PDZD2: variants seen among roughly 807,000 people sequenced by gnomAD.
The protein encoded by PDZD2 is PDZ domain containing 2.
PDZD2 carries 90 observed loss-of-function variants against 220.7 expected under a neutral mutation model. That is an observed-to-expected ratio of 0.41 (90% CI 0.34 to 0.49). PDZD2 has a LOEUF of 0.49. Among genes scored for constraint, PDZD2 ranks in the 20% least tolerant of loss-of-function variants. The pLI, the probability that PDZD2 is intolerant of heterozygous loss-of-function variation, is 0.28. For missense variants in PDZD2, 3,174 were observed against 3,608.5 expected, an observed-to-expected ratio of 0.88 and a Z score of 3.08; for synonymous variants, 1,375 against 1,450.5, an observed-to-expected ratio of 0.95 and a Z score of 1.18.
chr5:31,888,468 A>T (rs956895152), intron 2 of PDZD2, among the ~76,000 whole-genome samples: 1 of 152,364 alleles, frequency 6.6e-6, no homozygotes, highest in South Asian at 2.1e-4. Flanking sequence ...CTGGGATTAC[A>T]GGTGTGAGCC....
chr5:31,943,653 AG>A (rs1200448022), intron 2 of PDZD2, among the ~76,000 whole-genome samples: 2 of 152,234 alleles, frequency 1.3e-5, no homozygotes. Flanking sequence ...GACACAAAGA[AG>A]CCGACGAGGC....
chr5:31,750,234 T>C (rs1354592046), intron 1 of PDZD2, among the ~76,000 whole-genome samples: 3 of 152,268 alleles, frequency 2.0e-5, no homozygotes, highest in Admixed American at 1.3e-4. Context: ...GTCCTCACTC[T>C]TGTCCGACTT....
chr5:31,983,301 G>A lies in PDZD2; in HGVS notation c.623G>A (p.Arg208Gln), dbSNP rs149201593. Reference sequence around the variant, plus strand: ...ACACCTACCTTGGAGCTGGGTGACCGAACTGCGAAAAAGGGGAAACGAACC... The same window carrying A: ...ACACCTACCTTGGAGCTGGGTGACCAAACTGCGAAAAAGGGGAAACGAACC... ...GETPTLELGDRTAKKGKRTRK... is the reference protein window; with the variant it reads ...GETPTLELGDQTAKKGKRTRK... The change falls in exon 3 of 25, where the codon CGA becomes CAA. Residue 208 changes from arginine to glutamine, a missense_variant. By Grantham distance (43) the Arg-to-Gln change is conservative (BLOSUM62 1). Coordinates refer to ENST00000438447, the MANE Select transcript of PDZD2 (RefSeq NM_178140.4). 7.7e-5 allele frequency: 124 copies of A among 1,614,156 alleles called. 1 individual carries two copies. The African/African-American group carries it at 9.5e-4, about 12-fold the overall frequency.
chr5:31,893,838 AGTT>A (rs1393648015), intron 2 of PDZD2, among the ~76,000 whole-genome samples: 6 of 152,180 alleles, frequency 3.9e-5, no homozygotes, highest in Admixed American at 3.3e-4. Flanking sequence ...GTTCACATGA[AGTT>A]GTACAGAAAT....
chr5:32,058,593 G>A (rs1300712839), intron 12 of PDZD2, among the ~76,000 whole-genome samples: 2 of 148,422 alleles, frequency 1.3e-5, no homozygotes, highest in Non-Finnish European at 3.0e-5. Flanking sequence ...ACAATCGCTC[G>A]AACCCGGGAG....
At chr5:31,898,808 C>CTTTTTTTTTTTT (rs35589628) in intron 2 of PDZD2, among the ~76,000 whole-genome samples, 98 of 123,418 alleles carry the variant, frequency 7.9e-4, no homozygotes, top group South Asian at 1.1e-3. Flanking sequence ...AGCCTCTCTT[C>CTTTTTTTTTTTT]TTTTTTTTTT....
At chr5:31,821,278 A>G (rs189192060) in intron 2 of PDZD2, among the ~76,000 whole-genome samples, 145 of 138,960 alleles carry the variant, frequency 1.0e-3, no homozygotes, top group Non-Finnish European at 6.1e-4. Context: ...ATGGGCATTT[A>G]TTTTGATGGA....
chr5:31,851,680 G>A (rs1190577974), intron 2 of PDZD2, among the ~76,000 whole-genome samples: 3 of 152,118 alleles, frequency 2.0e-5, no homozygotes, highest in East Asian at 1.9e-4. Flanking sequence ...AGACAAAATC[G>A]TAGACCACAT....
At chr5:31,830,140 C>T (rs1756475168) in intron 2 of PDZD2, among the ~76,000 whole-genome samples, 1 of 151,492 alleles carries the variant, frequency 6.6e-6, no homozygotes, top group Admixed American at 6.6e-5. Flanking sequence ...CCCTCCAAAC[C>T]ACTCCCTTAA....
chr5:31,991,742 T>G (rs1751225777), intron 3 of PDZD2, among the ~76,000 whole-genome samples: 1 of 152,140 alleles, frequency 6.6e-6, no homozygotes, highest in South Asian at 2.1e-4. Flanking sequence ...AAACTGACAA[T>G]TGTGGGCCCG....
chr5:31,846,733 G>T lies in PDZD2; in HGVS notation c.476+47009G>T, dbSNP rs561284863. ...TGAGGTTTCTTCTCATGCTTTGCTT[G>T]GTGCCACTGCTGGGCCTTGTGTTTG... is the stretch of plus-strand genomic sequence containing the variant. On this transcript the variant is annotated intron_variant, in intron 2 of 24. Coordinates refer to ENST00000438447, the MANE Select transcript of PDZD2 (RefSeq NM_178140.4). 1.1e-4 allele frequency among the ~76,000 whole-genome samples: 17 copies of T among 152,296 alleles called. No homozygotes were observed. In the South Asian group the frequency reaches 3.1e-3, roughly 28 times the overall value.
intron 24 of PDZD2, chr5:32,106,346 G>C (rs1446103119): frequency 6.6e-6 from 1 of 152,432 alleles, no homozygotes; most frequent in African/African-American, 2.4e-5. Context: ...GGTAGTGTGA[G>C]TGACGGTGAG....
intron 2 of PDZD2, among the ~76,000 whole-genome samples, chr5:31,918,609 T>A (rs1001536159): frequency 2.0e-5 from 3 of 152,242 alleles, no homozygotes; most frequent in Non-Finnish European, 4.4e-5. Flanking sequence ...TCTCTTTTGA[T>A]TTTTAGGGTA....
At chr5:31,749,417 T>A (rs902885964) in intron 1 of PDZD2, among the ~76,000 whole-genome samples, 9 of 130,350 alleles carry the variant, frequency 6.9e-5, no homozygotes, top group Non-Finnish European at 1.4e-4. Context: ...AGAAGGTCAC[T>A]GTGTGATTTT....
intron 2 of PDZD2, among the ~76,000 whole-genome samples, chr5:31,977,908 A>G (rs898772778): frequency 6.6e-6 from 1 of 152,180 alleles, no homozygotes; most frequent in African/African-American, 2.4e-5. Flanking sequence ...TGGGAGGTGG[A>G]GGCTGCAGTG....
intron 1 of PDZD2, among the ~76,000 whole-genome samples, chr5:31,742,547 C>T (rs1452596901): frequency 6.7e-6 from 1 of 149,246 alleles, no homozygotes; most frequent in Non-Finnish European, 1.5e-5. Context: ...CCCCTCCCCA[C>T]CCCATTCCCC....
intron 2 of PDZD2, chr5:31,822,735 A>T: frequency 1.6e-6 from 2 of 1,220,776 alleles, no homozygotes; most frequent in South Asian, 2.4e-5. Context: ...GAGATACTGA[A>T]CAAGGAACAC....
intron 2 of PDZD2, among the ~76,000 whole-genome samples, chr5:31,904,959 T>C (rs1308081991): frequency 6.6e-6 from 1 of 151,692 alleles, no homozygotes; most frequent in Non-Finnish European, 1.5e-5. Context: ...AATTTGTGTG[T>C]GTGTGTGTTT....
intron 5 of PDZD2, among the ~76,000 whole-genome samples, chr5:32,004,712 G>T (rs888284443): frequency 2.6e-5 from 4 of 152,190 alleles, no homozygotes; most frequent in Admixed American, 1.3e-4. Context: ...GCTGCTTCTC[G>T]TGCACCAAGC....
Sources: allele counts gnomAD v4.1 joint callset (sites outside exome capture counted in the v4.1 genomes callset), GRCh38; gene constraint gnomAD v4.1.1; transcripts MANE v1.5; gene names NCBI Gene and HGNC (gene_info 2026-07-23, HGNC 2026-07-21).